The following PRORP variants were observed in gnomAD, a reference collection of about 807,000 sequenced individuals.
PRORP encodes the protein mitochondrial ribonuclease P catalytic subunit.
PRORP carries 51 observed loss-of-function variants against 59.4 expected under a neutral mutation model. That is an observed-to-expected ratio of 0.86 (90% CI 0.69 to 1.08). The LOEUF (loss-of-function observed/expected upper bound fraction) is 1.08. Among genes scored for constraint, PRORP ranks in the 50% least tolerant of loss-of-function variants. The pLI is 0.00. For missense variants in PRORP, 646 were observed against 690.3 expected, an observed-to-expected ratio of 0.94 and a Z score of 0.72; for synonymous variants, 231 against 245.6, an observed-to-expected ratio of 0.94 and a Z score of 0.55.
intron 5 of PRORP, among the ~76,000 whole-genome samples, chr14:35,197,996 A>G (rs1364341887): frequency 1.3e-5 from 2 of 152,194 alleles, no homozygotes; most frequent in African/African-American, 4.8e-5. Context: ...ATCTGCTTGC[A>G]CATCATTTGT....
intron 4 of PRORP, among the ~76,000 whole-genome samples, chr14:35,142,330 T>A (rs1376810341): frequency 7.1e-6 from 1 of 140,460 alleles, no homozygotes; most frequent in Non-Finnish European, 1.6e-5. Flanking sequence ...TCCTGTAAAT[T>A]ATAAATTCAT....
At chr14:35,256,315 A>G (rs1198975128) in intron 5 of PRORP, among the ~76,000 whole-genome samples, 4 of 139,338 alleles carry the variant, frequency 2.9e-5, no homozygotes, top group Non-Finnish European at 6.1e-5. Flanking sequence ...GAAAAAAGAA[A>G]TTGTGCGTAT....
Position 35,273,600 on chromosome 14 carries a change from G to T in PRORP, c.*34G>T, listed in dbSNP as rs1169870821. ...ACCTCTATGCTAAGTTTGTGTTTGG[G>T]TACCCTCTAGGTTGGCATCAGAGGC... On this transcript the variant is annotated 3_prime_UTR_variant, in exon 8 of 8. Transcript: ENST00000534898. 4 of 1,600,116 alleles carry T rather than the reference G, an allele frequency of 2.5e-6. No homozygotes were observed. The highest frequency in any genetic ancestry group is 3.4e-6 in the Non-Finnish European group (4 of 1,173,356).
chr14:35,130,441 A>G (rs1300377958), intron 4 of PRORP, among the ~76,000 whole-genome samples: 4 of 151,624 alleles, frequency 2.6e-5, no homozygotes, highest in South Asian at 2.1e-4. Context: ...ACAGTGAGTT[A>G]TGTACCCTCA....
chr14:35,235,564 T>C (rs536304040), intron 5 of PRORP: 22 of 543,290 alleles, frequency 4.0e-5, no homozygotes, highest in Non-Finnish European at 7.7e-5. Flanking sequence ...TAACTCCTGC[T>C]CGAAGGACAG....
intron 5 of PRORP, among the ~76,000 whole-genome samples, chr14:35,253,946 G>C (rs1352997935): frequency 6.6e-6 from 1 of 150,850 alleles, no homozygotes; most frequent in African/African-American, 2.4e-5. Context: ...TCTACTCTCT[G>C]ATGGCACCTG....
Position 35,126,760 on chromosome 14 carries a change from C to T in PRORP, c.1012C>T (p.Gln338Ter). 2 of 1,610,196 alleles carry T rather than the reference C, an allele frequency of 1.2e-6. No individual in the cohort carries two copies. The highest frequency in any genetic ancestry group is 1.7e-6 in the Non-Finnish European group (2 of 1,177,862). The change falls in exon 3 of 8, where the codon CAA (glutamine) becomes TAA (stop). Residue 338 changes from glutamine to a stop codon, truncating the protein, a stop_gained. Transcript: ENST00000534898. LOFTEE classifies it high-confidence loss of function. Reference protein sequence around the residue: ...ESVPGKQWKGQFTTVRKSGQC... With the variant: ...ESVPGKQWKG Reference sequence around the variant, plus strand: ...TGTTCCTGGAAAACAATGGAAAGGACAATTCACCACAGTCCGAAAAAGGTG... The same window carrying T: ...TGTTCCTGGAAAACAATGGAAAGGATAATTCACCACAGTCCGAAAAAGGTG...
chr14:35,189,376 A>G (rs911894741), intron 5 of PRORP, among the ~76,000 whole-genome samples: 1 of 151,802 alleles, frequency 6.6e-6, no homozygotes, highest in Non-Finnish European at 1.5e-5. Context: ...CCCAGCCTGC[A>G]TAAAGTAATA....
chr14:35,124,374 C>T (rs1021409178), intron 2 of PRORP, 143 bp downstream of exon 2: 32 of 472,756 alleles, frequency 6.8e-5, no homozygotes, highest in Non-Finnish European at 1.1e-5. Flanking sequence ...CTCAAGTGAT[C>T]CTCTCGCTTC....
At chr14:35,166,606 C>A (rs546608682) in intron 4 of PRORP, among the ~76,000 whole-genome samples, 1 of 151,996 alleles carries the variant, frequency 6.6e-6, no homozygotes, top group Non-Finnish European at 1.5e-5. Context: ...CGTGCCACCA[C>A]GCCCAGCTAA....
chr14:35,238,454 A>T (rs1277898256), intron 5 of PRORP, among the ~76,000 whole-genome samples: 1 of 152,202 alleles, frequency 6.6e-6, no homozygotes, highest in Non-Finnish European at 1.5e-5. Flanking sequence ...GGTTGTAGGA[A>T]AGTTAACCTG....
intron 5 of PRORP, among the ~76,000 whole-genome samples, chr14:35,234,268 G>A (rs1008084743): frequency 7.9e-5 from 12 of 152,316 alleles, no homozygotes; most frequent in Non-Finnish European, 1.2e-4. Flanking sequence ...TTCTGTAGCC[G>A]TGTGTTTCAC....
intron 4 of PRORP, among the ~76,000 whole-genome samples, chr14:35,170,384 T>G (rs188160001): frequency 1.2e-4 from 18 of 152,284 alleles, no homozygotes; most frequent in Admixed American, 8.5e-4. Flanking sequence ...TATACCTTTT[T>G]GCTTTTTTTT....
At chr14:35,148,649 T>G (rs1417085861) in intron 4 of PRORP, among the ~76,000 whole-genome samples, 1 of 152,168 alleles carries the variant, frequency 6.6e-6, no homozygotes, top group Non-Finnish European at 1.5e-5. Flanking sequence ...TCCCTTGAAG[T>G]TTTGAAGTCA....
chr14:35,172,522 C>G (rs1024879238), intron 4 of PRORP, among the ~76,000 whole-genome samples: 2 of 143,354 alleles, frequency 1.4e-5, no homozygotes, highest in Non-Finnish European at 3.1e-5. Context: ...CTCCCTCTCT[C>G]CCTCTCTCTC....
intron 4 of PRORP, among the ~76,000 whole-genome samples, chr14:35,176,827 A>G (rs2048463930): frequency 6.6e-6 from 1 of 152,186 alleles, no homozygotes; most frequent in South Asian, 2.1e-4. Flanking sequence ...GCCGGTTTTC[A>G]AAGGGAATGC....
intron 4 of PRORP, among the ~76,000 whole-genome samples, chr14:35,149,951 T>C (rs1294427246): frequency 2.0e-5 from 3 of 152,142 alleles, no homozygotes; most frequent in African/African-American, 4.8e-5. Flanking sequence ...CCAGGTTCAG[T>C]TGAGCAATCC....
In PRORP at chr14:35,246,739, A is replaced by C. The variant is rs2050495163; in HGVS notation, c.1276-19988A>C. ...GCCTTAACCTGAAAGTTTATGTTCT[A>C]CTCCTACCAAGTGTTGACAGAGATT... is the stretch of plus-strand genomic sequence containing the variant. On this transcript the variant is annotated intron_variant, in intron 5 of 7. Transcript: ENST00000534898. Among the ~76,000 whole-genome samples the C allele has an allele frequency of 2.6e-5, 4 of 152,204 alleles. 1 individual carries two copies. Among genetic ancestry groups the C allele is most frequent in the Admixed American group, 2.6e-4 (4 of 15,280 alleles).
chr14:35,260,869 C>T, intron 5 of PRORP, among the ~76,000 whole-genome samples: 1 of 152,178 alleles, frequency 6.6e-6, no homozygotes, highest in Non-Finnish European at 1.5e-5. Context: ...CAATAAAGAT[C>T]CTCCTGCTTT....
Sources: allele counts gnomAD v4.1 joint callset (sites outside exome capture counted in the v4.1 genomes callset), GRCh38; gene constraint gnomAD v4.1.1; transcripts MANE v1.5; gene names NCBI Gene and HGNC (gene_info 2026-07-23, HGNC 2026-07-21).